PPP1R12C: variants seen among roughly 807,000 people sequenced by gnomAD.
PPP1R12C encodes leukocyte receptor cluster (LRC) encoded novel gene 3.
In PPP1R12C, 48 loss-of-function variants were observed where a neutral mutation model predicts 95.6. The observed-to-expected ratio is 0.50, with a 90% CI of 0.40 to 0.64. The LOEUF (loss-of-function observed/expected upper bound fraction) is 0.64. PPP1R12C is among the 30% of genes least tolerant of loss of function. The pLI, the probability that PPP1R12C is intolerant of heterozygous loss-of-function variation, is 0.00. For synonymous variants in PPP1R12C, 480 were observed against 460.8 expected (o/e 1.04, Z -0.53); for missense variants, 1,057 against 1,083.3 (o/e 0.98, Z 0.34).
In PPP1R12C at chr19:55,095,888, G is replaced by A. The variant is rs759312197; in HGVS notation, c.1206C>T (p.His402=). 2.5e-6 allele frequency: 4 copies of A among 1,613,514 alleles called. No individual in the cohort carries two copies. The highest frequency in any genetic ancestry group is 3.4e-6 in the Non-Finnish European group (4 of 1,179,980). ...RTLNGVSSPP[H]PSPKSPVQLE... ...TCACCACGGGACTCTTAGGGCTGGGGTGCGGCGGGGAGGAGACGCCATTGA... is the reference window on the plus strand; with the variant it reads ...TCACCACGGGACTCTTAGGGCTGGGATGCGGCGGGGAGGAGACGCCATTGA... The change falls in exon 9 of 22, where the codon CAC becomes CAT. Residue 402 remains histidine, a synonymous_variant. Coordinates refer to ENST00000263433, the MANE Select transcript of PPP1R12C (RefSeq NM_017607.4).
At position 55,096,197 on chromosome 19, in the gene PPP1R12C, G is replaced by T. The variant is rs1384664241; in HGVS notation, c.1026-19C>A. The stretch of plus-strand genomic sequence containing the variant: ...AGAGCTCCTGTTGGGGAAGGAGAGG[G>T]TGCTGGGGTACAAGCCCGGGGCCTC... On this transcript the variant is annotated intron_variant, in intron 7 of 21. Transcript: ENST00000263433. 2 of 1,611,320 alleles carry T rather than the reference G, an allele frequency of 1.2e-6. No homozygotes were observed. Among genetic ancestry groups the T allele is most frequent in the African/African-American group, 2.7e-5 (2 of 74,812 alleles).
chr19:55,097,703 A>G (rs1204965628), intron 6 of PPP1R12C, among the ~76,000 whole-genome samples: 1 of 150,636 alleles, frequency 6.6e-6, no homozygotes, highest in African/African-American at 2.5e-5. Context: ...CCGTCTTCAC[A>G]CCTTTGTACT....
chr19:55,098,283 G>T (rs916080879), intron 6 of PPP1R12C, among the ~76,000 whole-genome samples: 1 of 152,186 alleles, frequency 6.6e-6, no homozygotes, highest in Non-Finnish European at 1.5e-5. Flanking sequence ...GCCCGGAAAG[G>T]AAAGTGGCTG....
chr19:55,099,960 C>G (rs977540563), intron 4 of PPP1R12C, among the ~76,000 whole-genome samples: 2 of 152,166 alleles, frequency 1.3e-5, no homozygotes, highest in South Asian at 4.1e-4. Flanking sequence ...TACAAAGAGG[C>G]CTTATAAGCA....
intron 1 of PPP1R12C, chr19:55,114,765 A>C (rs1437648572): frequency 6.6e-6 from 1 of 152,118 alleles, no homozygotes; most frequent in Non-Finnish European, 1.5e-5. Flanking sequence ...CCAAGCAGTC[A>C]CCCCACAGTT....
intron 11 of PPP1R12C, 62 bp from the exon 12 acceptor site, chr19:55,094,860 T>C (rs2084891891): frequency 2.6e-6 from 4 of 1,526,148 alleles, no homozygotes; most frequent in Non-Finnish European, 3.5e-6. Context: ...GCACTGGAGA[T>C]GCAGCCGTGA....
At position 55,094,711 on chromosome 19, in the gene PPP1R12C, G is replaced by C; in HGVS notation, c.1542C>G (p.Asn514Lys). ...GGGGCGCCGTGGAGGCTGTGGGGACGTTTGGCTTCGCTGGGGATTCAGGCT... is the reference window on the plus strand; with the variant it reads ...GGGGCGCCGTGGAGGCTGTGGGGACCTTTGGCTTCGCTGGGGATTCAGGCT... ...IPEPESPAKP[N>K]VPTASTAPPA... Residue 514 changes from asparagine (N) to lysine (K), a missense_variant, in exon 12 of 22, where the codon AAC becomes AAG. This residue lies in a region of PPP1R12C where 356 missense variants were observed against 330.5 expected (regional missense o/e 1.08). Transcript: ENST00000263433. 1 of 1,609,924 alleles carries C rather than the reference G, an allele frequency of 6.2e-7. No homozygotes were observed. The highest frequency in any genetic ancestry group is 2.2e-5 in the East Asian group (1 of 44,812).
At position 55,094,887 on chromosome 19, in the gene PPP1R12C, A is replaced by T. The variant is rs553311415; in HGVS notation, c.1455-89T>A. The stretch of plus-strand genomic sequence containing the variant: ...CAGCCGTGAGTGAAAGAAACAAATT[A>T]TCTGGGCCACAACAGAGTCAGAGCT... On this transcript the variant is annotated intron_variant, in intron 11 of 21. Coordinates refer to ENST00000263433, the MANE Select transcript of PPP1R12C (RefSeq NM_017607.4). 481 of 1,415,204 alleles carry T rather than the reference A, an allele frequency of 3.4e-4. 8 individuals are homozygous for T. In the South Asian group the frequency reaches 5.8e-3, roughly 17 times the overall value. 87.7% of individuals were successfully genotyped at this position (1,415,204 alleles called of 1,614,324 possible). A position where few individuals can be genotyped will look rare whatever the true frequency, so the allele number is the denominator to read the frequency against.
intron 4 of PPP1R12C, among the ~76,000 whole-genome samples, chr19:55,100,660 T>G (rs2084970440): frequency 6.6e-6 from 1 of 152,246 alleles, no homozygotes; most frequent in African/African-American, 2.4e-5. Context: ...TCACCCAGGC[T>G]GGAGTGCAGT....
chr19:55,109,049 T>G lies in PPP1R12C; in HGVS notation c.571+3418A>C, dbSNP rs2085068340. Among the ~76,000 whole-genome samples, 1 of 152,216 alleles carries G rather than the reference T, an allele frequency of 6.6e-6. No individual in the cohort carries two copies. Among genetic ancestry groups the G allele is most frequent in the Non-Finnish European group, 1.5e-5 (1 of 68,042 alleles). On this transcript the variant is annotated intron_variant, in intron 3 of 21. Transcript: ENST00000263433. The surrounding 1 kb of genome is among the most constrained non-coding windows in gnomAD (Gnocchi z 4.4). ...TTTCCATTCATTCGATGATGGGCAC[T>G]AGGTTGCTCCTACCTCTGGGCTATT...
rs1042115286 is a variant in PPP1R12C at position 55,103,633 on chromosome 19, A to G, written c.572-65T>C. 50 of 1,407,722 alleles carry G rather than the reference A, an allele frequency of 3.6e-5. 3 individuals carry two copies. The South Asian group carries it at 7.6e-4, about 21-fold the overall frequency. 87.2% of individuals were successfully genotyped at this position (1,407,722 alleles called of 1,614,324 possible). On this transcript the variant is annotated intron_variant, in intron 3 of 21. Coordinates refer to ENST00000263433, the MANE Select transcript of PPP1R12C (RefSeq NM_017607.4). ...TGACCTGAAATACCCAGGGTCATAC[A>G]CTGGGCTGGCCAGGGTTCAGCCCAG...
rs1228349146 is a variant in PPP1R12C, at chr19:55,101,783, T to C, written c.731+1626A>G. On this transcript the variant is annotated intron_variant, in intron 4 of 21. Transcript: ENST00000263433. The stretch of plus-strand genomic sequence containing the variant: ...GCCCAGTCAGCAACAGAGCTGGGAC[T>C]TGGCCAGACACTGAGGTCCAGGGGC... 2.0e-5 allele frequency among the ~76,000 whole-genome samples: 3 copies of C among 152,110 alleles called. No homozygotes were observed. The East Asian group carries it at 5.8e-4, about 29-fold the overall frequency.
Position 55,094,411 on chromosome 19 carries a change from A to G in PPP1R12C, c.1617T>C (p.Asp539=), listed in dbSNP as rs766906954. 1 of 1,613,566 alleles carries G rather than the reference A, an allele frequency of 6.2e-7. No homozygotes were observed. Among genetic ancestry groups the G allele is most frequent in the Non-Finnish European group, 8.5e-7 (1 of 1,179,996 alleles). Residue 539 remains aspartate (D), a synonymous_variant, in exon 13 of 22, where the codon GAT becomes GAC. Coordinates refer to ENST00000263433, the MANE Select transcript of PPP1R12C (RefSeq NM_017607.4). ...RRRSYQMPVR[D]EESESQRKAR... The stretch of plus-strand genomic sequence containing the variant: ...CTTTTCTCTGGGATTCCGACTCCTC[A>G]TCCCGCACAGGCATCTGGTAGGACC...
In PPP1R12C at chr19:55,112,423, TGAG is replaced by T. The variant is rs10573756; in HGVS notation, c.571+41_571+43del. On this transcript the variant is annotated intron_variant, in intron 3 of 21. Transcript: ENST00000263433. ...AAGCTCTCAGCCTGGAGACCACGGG[TGAG>T]GAGGTGTCCCCCACCCCACACACAG... 13,112 of 1,550,544 alleles carry T rather than the reference TGAG, an allele frequency of 8.5e-3. 942 individuals carry two copies. The African/African-American group carries it at 0.15, about 18-fold the overall frequency.
Position 55,094,710 on chromosome 19 carries a change from C to T in PPP1R12C, c.1543G>A (p.Val515Ile), listed in dbSNP as rs2084889839. ...GGGGGCGCCGTGGAGGCTGTGGGGA[C>T]GTTTGGCTTCGCTGGGGATTCAGGC... ...PEPESPAKPN[V>I]PTASTAPPAD... The change falls in exon 12 of 22, where the codon GTC becomes ATC. Residue 515 changes from valine (V) to isoleucine (I), a missense_variant. Transcript: ENST00000263433. 1 of 1,609,436 alleles carries T rather than the reference C, an allele frequency of 6.2e-7. No individual in the cohort carries two copies. Among genetic ancestry groups the T allele is most frequent in the African/African-American group, 1.3e-5 (1 of 74,916 alleles).
Position 55,097,925 on chromosome 19 carries a change from G to A in PPP1R12C, c.951+859C>T, listed in dbSNP as rs1056866000. On this transcript the variant is annotated intron_variant, in intron 6 of 21. Coordinates refer to ENST00000263433, the MANE Select transcript of PPP1R12C (RefSeq NM_017607.4). The stretch of plus-strand genomic sequence containing the variant: ...CTCGCCTGGCACTCGTGGCCCTCCC[G>A]GGTCTGCCCTGCCTTACGCTCCCCT... Among the ~76,000 whole-genome samples, 43 of 152,006 alleles carry A rather than the reference G, an allele frequency of 2.8e-4. 1 individual carries two copies. Among genetic ancestry groups the A allele is most frequent in the African/African-American group, 8.5e-4 (35 of 41,374 alleles).
Position 55,112,688 on chromosome 19 carries a change from G to T in PPP1R12C, c.429C>A (p.Ser143=), listed in dbSNP as rs1489051098. ...EGWTPLHVAA[S]CGYLDIARYL... ...ACCTGGCGATATCTAGGTAGCCACAGGAGGCGGCCACGTGCAGTGGCGTCC... is the reference window on the plus strand; with the variant it reads ...ACCTGGCGATATCTAGGTAGCCACATGAGGCGGCCACGTGCAGTGGCGTCC... The change falls in exon 2 of 22, where the codon TCC becomes TCA. Residue 143 remains serine (S), a synonymous_variant. Transcript: ENST00000263433. The T allele has an allele frequency of 6.2e-7, 1 of 1,613,852 alleles. No homozygotes were observed. The highest frequency in any genetic ancestry group is 8.5e-7 in the Non-Finnish European group (1 of 1,179,998).
Position 55,091,468 on chromosome 19 carries a change from C to G in PPP1R12C, c.*4G>C, listed in dbSNP as rs368912034. The G allele has an allele frequency of 4.3e-6, 7 of 1,613,106 alleles. No homozygotes were observed. The highest frequency in any genetic ancestry group is 5.1e-6 in the Non-Finnish European group (6 of 1,179,308). On this transcript the variant is annotated 3_prime_UTR_variant, in exon 22 of 22. Coordinates refer to ENST00000263433, the MANE Select transcript of PPP1R12C (RefSeq NM_017607.4). Reference sequence around the variant, plus strand: ...AAATACGGGTGCGGGAAAGTCCCTCCGGGTCACTTGGAGAGTTTGCTGATG... The same window carrying G: ...AAATACGGGTGCGGGAAAGTCCCTCGGGGTCACTTGGAGAGTTTGCTGATG...
In PPP1R12C at chr19:55,109,001, G is replaced by A. The variant is rs552737384; in HGVS notation, c.571+3466C>T. The stretch of plus-strand genomic sequence containing the variant: ...GATGAAGACTGAATCATGTCCCACC[G>A]CATGGATGGGCCACATGTTGATTTT... On this transcript the variant is annotated intron_variant, in intron 3 of 21. Transcript: ENST00000263433. This position sits in a 1 kb window ranked among gnomAD's most constrained non-coding sequence, Gnocchi z 4.4. Among the ~76,000 whole-genome samples, 5 of 152,294 alleles carry A rather than the reference G, an allele frequency of 3.3e-5. No homozygotes were observed. The highest frequency in any genetic ancestry group is 1.9e-4 in the East Asian group (1 of 5,178).
Sources: allele counts gnomAD v4.1 joint callset (sites outside exome capture counted in the v4.1 genomes callset), GRCh38; gene constraint gnomAD v4.1.1; regional missense constraint gnomAD v4.1.1; non-coding constraint Gnocchi (gnomAD v3.1); transcripts MANE v1.5; gene names NCBI Gene and HGNC (gene_info 2026-07-23, HGNC 2026-07-21).